The following COL9A1 variants were observed in gnomAD, a reference collection of about 807,000 sequenced individuals.
COL9A1 encodes the protein collagen type IX alpha 1 chain.
A neutral mutation model predicts 142.6 loss-of-function variants in COL9A1; 104 were observed. The ratio of observed to expected loss-of-function variants is 0.73; its 90% CI spans 0.62 to 0.86. The LOEUF (loss-of-function observed/expected upper bound fraction) is 0.86. Ranked by LOEUF, COL9A1 falls within the 40% of genes least tolerant of loss-of-function variation. COL9A1 has a pLI of 0.00. For synonymous variants in COL9A1, 466 were observed against 396.0 expected, an observed-to-expected ratio of 1.18 and a Z score of -2.10; for missense variants, 1,210 against 1,176.6, an observed-to-expected ratio of 1.03 and a Z score of -0.42.
At chr6:70,236,566 TA>T (rs1233239834) in intron 33 of COL9A1, among the ~76,000 whole-genome samples, 2 of 152,328 alleles carry the variant, frequency 1.3e-5, no homozygotes, top group Admixed American at 1.3e-4. Context: ...TTCAAACAAA[TA>T]CTTTAAACTG....
rs764246741 is a variant in COL9A1, at chr6:70,268,756, T to C, written c.1287+48A>G. 6 of 1,559,748 alleles carry C rather than the reference T, an allele frequency of 3.8e-6. No homozygotes were observed. In the African/African-American group the frequency reaches 8.1e-5, roughly 21 times the overall value. On this transcript the variant is annotated intron_variant, in intron 17 of 37. Coordinates refer to ENST00000357250, the MANE Select transcript of COL9A1 (RefSeq NM_001851.6). ...GCTAATGCTTAAAGTAAAGGCTCCA[T>C]TTTATCTGTGGATAATACTCTTAAA...
chr6:70,291,869 C>A (rs1773672930), intron 5 of COL9A1, among the ~76,000 whole-genome samples: 1 of 152,120 alleles, frequency 6.6e-6, no homozygotes, highest in Admixed American at 6.6e-5. Flanking sequence ...AACACTATTT[C>A]TTACAAGTTA....
chr6:70,239,296 TA>T lies in COL9A1; in HGVS notation c.2080-11del, dbSNP rs1432249894. ...GTAATCCTATATCTCCCTAAATCAATAAAAGAAATTTATGTTAGAACAATGT... is the reference window on the plus strand; with the variant it reads ...GTAATCCTATATCTCCCTAAATCAATAAAGAAATTTATGTTAGAACAATGT... On this transcript the variant is annotated splice_polypyrimidine_tract_variant and intron_variant, in intron 32 of 37. Coordinates refer to ENST00000357250, the MANE Select transcript of COL9A1 (RefSeq NM_001851.6). 1.3e-6 allele frequency: 2 copies of T among 1,527,470 alleles called. No individual in the cohort carries two copies. The highest frequency in any genetic ancestry group is 9.1e-7 in the Non-Finnish European group (1 of 1,101,796). 94.6% of individuals were successfully genotyped at this position (1,527,470 alleles called of 1,614,324 possible). A position where few individuals can be genotyped will look rare whatever the true frequency, so the allele number is the denominator to read the frequency against.
At chr6:70,280,101 T>G in intron 10 of COL9A1, 1 of 631,708 alleles carries the variant, frequency 1.6e-6, no homozygotes, top group East Asian at 2.7e-5. Context: ...GAAGAAGTAT[T>G]ATTTAGTGTT....
chr6:70,255,550 C>T lies in COL9A1; in HGVS notation c.1504-160G>A, dbSNP rs766485060. Among the ~76,000 whole-genome samples, 11 of 152,128 alleles carry T rather than the reference C, an allele frequency of 7.2e-5. 1 individual carries two copies. Among genetic ancestry groups the T allele is most frequent in the South Asian group, 4.1e-4 (2 of 4,820 alleles). ...AGATGAAGAAGTCTTTTTATAAAAA[C>T]GGAATTGTCTTAAAAATGGATATTG... On this transcript the variant is annotated intron_variant, in intron 21 of 37. Coordinates refer to ENST00000357250, the MANE Select transcript of COL9A1 (RefSeq NM_001851.6).
intron 37 of COL9A1, among the ~76,000 whole-genome samples, chr6:70,223,658 C>A (rs368905442): frequency 6.6e-6 from 1 of 152,194 alleles, no homozygotes; most frequent in East Asian, 1.9e-4. Context: ...CTTTCACCTG[C>A]GCACTACACG....
At chr6:70,279,996 CA>C in intron 10 of COL9A1, 1 of 696,712 alleles carries the variant, frequency 1.4e-6, no homozygotes. Context: ...ATTCCAGGGA[CA>C]AAATCAAGGA....
chr6:70,295,738 T>G (rs1378801557), intron 4 of COL9A1, among the ~76,000 whole-genome samples: 1 of 152,196 alleles, frequency 6.6e-6, no homozygotes, highest in African/African-American at 2.4e-5. Context: ...TGGATATTCT[T>G]TTGCTGAAGC....
At chr6:70,239,203 C>T in intron 33 of COL9A1, 51 bp downstream of exon 33, 2 of 1,143,866 alleles carry the variant, frequency 1.7e-6, no homozygotes, top group Middle Eastern at 2.3e-4. Context: ...TATTCTACAG[C>T]TTTATTAATG....
intron 20 of COL9A1, among the ~76,000 whole-genome samples, chr6:70,259,258 G>A (rs550689811): frequency 2.0e-5 from 3 of 152,076 alleles, no homozygotes; most frequent in East Asian, 1.9e-4. Context: ...AACGTACAAC[G>A]TATTGTTAAT....
rs374561398 is a variant in COL9A1, at chr6:70,216,902, G to T, written c.2761C>A (p.Pro921Thr). Reference protein sequence around the residue: ...GQRAFNKGPDP With the variant: ...GQRAFNKGPDT ...GCCATGCAGCAGTAAGCCTTTCAAG[G>T]GTCAGGCCCTTTGTTAAATGCTCGC... The change falls in exon 38 of 38, where the codon CCT (proline) becomes ACT (threonine). Residue 921 changes from proline (P) to threonine (T), a missense_variant. Physicochemically the swap from Pro to Thr is conservative, Grantham distance 38. Transcript: ENST00000357250. The T allele has an allele frequency of 1.2e-6, 2 of 1,613,894 alleles. No homozygotes were observed. The highest frequency in any genetic ancestry group is 2.7e-5 in the African/African-American group (2 of 74,914).
chr6:70,241,322 G>T, intron 31 of COL9A1, 97 bp downstream of exon 31: 1 of 996,308 alleles, frequency 1.0e-6, no homozygotes, highest in Non-Finnish European at 1.6e-6. Context: ...TAGCCTTCAT[G>T]GTTTTATTAA....
At chr6:70,287,189 A>T (rs1489785364) in intron 5 of COL9A1, among the ~76,000 whole-genome samples, 1 of 152,130 alleles carries the variant, frequency 6.6e-6, no homozygotes, top group Non-Finnish European at 1.5e-5. Flanking sequence ...GTTTACATAG[A>T]GGGGTTACAA....
intron 30 of COL9A1, among the ~76,000 whole-genome samples, 194 bp from the exon 31 acceptor site, chr6:70,241,648 C>G (rs1430107499): frequency 6.6e-6 from 1 of 152,132 alleles, no homozygotes; most frequent in African/African-American, 2.4e-5. Context: ...TTCCAAGAGG[C>G]TCTGGAACTT....
intron 36 of COL9A1, among the ~76,000 whole-genome samples, chr6:70,232,331 T>C (rs538686295): frequency 6.6e-5 from 10 of 152,302 alleles, no homozygotes; most frequent in Non-Finnish European, 2.9e-5. Context: ...TAGAGTATAA[T>C]AGAAAAAGAT....
chr6:70,274,189 T>C (rs1478890477), intron 11 of COL9A1, 107 bp from the exon 12 acceptor site: 2 of 857,362 alleles, frequency 2.3e-6, no homozygotes, highest in Non-Finnish European at 3.5e-6. Flanking sequence ...TATGGTGTTT[T>C]TTTTTTTTAA....
At chr6:70,268,935 G>A in intron 16 of COL9A1, 75 bp from the exon 17 acceptor site, 1 of 1,312,102 alleles carries the variant, frequency 7.6e-7, no homozygotes, top group Non-Finnish European at 1.1e-6. Context: ...CTTTGTGACA[G>A]TATCTTTTTT....
intron 30 of COL9A1, 114 bp from the exon 31 acceptor site, chr6:70,241,568 G>A: frequency 1.2e-6 from 1 of 868,278 alleles, no homozygotes. Context: ...GATGGGAGAG[G>A]ACGTTCCCAC....
intron 18 of COL9A1, among the ~76,000 whole-genome samples, chr6:70,264,488 G>T (rs182967927): frequency 3.9e-5 from 6 of 152,134 alleles, no homozygotes; most frequent in East Asian, 3.9e-4. Context: ...GAAAGCCAGA[G>T]AATTAGCTAG....
Sources: allele counts gnomAD v4.1 joint callset (sites outside exome capture counted in the v4.1 genomes callset), GRCh38; gene constraint gnomAD v4.1.1; transcripts MANE v1.5; gene names NCBI Gene and HGNC (gene_info 2026-07-23, HGNC 2026-07-21).